ASTN2: variants seen among roughly 807,000 people sequenced by gnomAD.
ASTN2 encodes the protein astrotactin-2.
In ASTN2, 54 loss-of-function variants were observed where a neutral mutation model predicts 139.8. That is an observed-to-expected ratio of 0.39 (90% CI 0.31 to 0.48). The LOEUF is 0.48. ASTN2 is among the 20% of genes least tolerant of loss of function. The pLI, the probability that ASTN2 is intolerant of heterozygous loss-of-function variation, is 0.95. For synonymous variants in ASTN2, 756 were observed against 719.5 expected, an observed-to-expected ratio of 1.05 and a Z score of -0.81; for missense variants, 1,565 against 1,725.1, an observed-to-expected ratio of 0.91 and a Z score of 1.64.
At chr9:117,110,241 A>C (rs1274783583) in intron 4 of ASTN2, among the ~76,000 whole-genome samples, 1 of 152,126 alleles carries the variant, frequency 6.6e-6, no homozygotes, top group East Asian at 1.9e-4. Flanking sequence ...TTGGGAAGCA[A>C]TTTGGCAATA....
intron 5 of ASTN2, among the ~76,000 whole-genome samples, chr9:117,079,611 T>C (rs891229046): frequency 1.3e-5 from 2 of 152,206 alleles, no homozygotes; most frequent in Admixed American, 1.3e-4. Flanking sequence ...TTCAACTGGA[T>C]ATTTACTTTT....
chr9:116,987,316 G>C (rs984796544), intron 7 of ASTN2, among the ~76,000 whole-genome samples: 1 of 152,202 alleles, frequency 6.6e-6, no homozygotes, highest in African/African-American at 2.4e-5. Flanking sequence ...AAGGATAAAT[G>C]GGGACTAATT....
intron 7 of ASTN2, among the ~76,000 whole-genome samples, chr9:116,985,706 A>C (rs959685844): frequency 3.3e-5 from 5 of 152,240 alleles, no homozygotes; most frequent in Admixed American, 1.3e-4. Context: ...ATGGACACAG[A>C]GCATGTATTT....
chr9:117,318,306 T>C (rs1828212788), intron 1 of ASTN2, among the ~76,000 whole-genome samples: 1 of 152,172 alleles, frequency 6.6e-6, no homozygotes, highest in East Asian at 1.9e-4. Context: ...AGGACAGCAC[T>C]TAAAAACTTG....
chr9:117,297,509 G>A (rs956027036), intron 1 of ASTN2, among the ~76,000 whole-genome samples: 1 of 152,184 alleles, frequency 6.6e-6, no homozygotes, highest in Non-Finnish European at 1.5e-5. Flanking sequence ...GCCAGTCAGG[G>A]TCTCATCAGA....
chr9:116,564,961 G>C (rs1294400685), intron 19 of ASTN2, among the ~76,000 whole-genome samples: 2 of 152,016 alleles, frequency 1.3e-5, no homozygotes, highest in African/African-American at 2.4e-5. Context: ...AAGCATCATT[G>C]TCCAATTGAA....
chr9:117,165,737 A>G (rs1310855062), intron 3 of ASTN2, among the ~76,000 whole-genome samples: 1 of 152,104 alleles, frequency 6.6e-6, no homozygotes, highest in Non-Finnish European at 1.5e-5. Context: ...TTCAGCTGTG[A>G]GTTACGGAGC....
intron 10 of ASTN2, among the ~76,000 whole-genome samples, chr9:116,918,133 T>C (rs751893667): frequency 1.8e-4 from 28 of 152,176 alleles, no homozygotes; most frequent in Non-Finnish European, 3.4e-4. Flanking sequence ...TCCCCAGCCA[T>C]GTGGAACTGT....
At chr9:116,814,890 C>T (rs1831268401) in intron 12 of ASTN2, among the ~76,000 whole-genome samples, 1 of 152,124 alleles carries the variant, frequency 6.6e-6, no homozygotes, top group Non-Finnish European at 1.5e-5. Context: ...GTGTTTCCAT[C>T]AATTGTCGGT....
chr9:117,159,831 T>C (rs1442369183), intron 3 of ASTN2, among the ~76,000 whole-genome samples: 1 of 152,092 alleles, frequency 6.6e-6, no homozygotes, highest in Non-Finnish European at 1.5e-5. Context: ...TAGCTAGTTA[T>C]TGCTATTAAG....
intron 19 of ASTN2, among the ~76,000 whole-genome samples, chr9:116,521,477 A>G (rs1274351344): frequency 1.3e-5 from 2 of 152,094 alleles, no homozygotes; most frequent in Non-Finnish European, 2.9e-5. Context: ...TCATCTCTCA[A>G]CTTATACAAA....
chr9:117,018,015 A>G (rs1837767013), intron 6 of ASTN2, among the ~76,000 whole-genome samples: 1 of 150,412 alleles, frequency 6.6e-6, no homozygotes, highest in Non-Finnish European at 1.5e-5. Context: ...CATTTTTTCT[A>G]GGCTGACTTA....
At chr9:116,762,608 A>T (rs1588272209) in intron 13 of ASTN2, among the ~76,000 whole-genome samples, 1 of 152,244 alleles carries the variant, frequency 6.6e-6, no homozygotes, top group East Asian at 1.9e-4. Context: ...GCCTGGAAAA[A>T]AATTAAAAGG....
At chr9:116,846,647 G>A (rs926526904) in intron 11 of ASTN2, among the ~76,000 whole-genome samples, 3 of 152,190 alleles carry the variant, frequency 2.0e-5, no homozygotes, top group African/African-American at 7.2e-5. Flanking sequence ...AGGGGACACA[G>A]GTTACCATCC....
At position 116,977,828 on chromosome 9, in the gene ASTN2, C is replaced by T. The variant is rs564868555; in HGVS notation, c.1592-1043G>A. Reference sequence around the variant, plus strand: ...ACCTCCCAGCTTCAAGTGATTCTCCCGTCTCAGCCTCCCGAGTAGCTGGGA... The same window carrying T: ...ACCTCCCAGCTTCAAGTGATTCTCCTGTCTCAGCCTCCCGAGTAGCTGGGA... On this transcript the variant is annotated intron_variant, in intron 7 of 22. Coordinates refer to ENST00000313400, the MANE Select transcript of ASTN2 (RefSeq NM_001365068.1). Among the ~76,000 whole-genome samples, 8 of 151,152 alleles carry T rather than the reference C, an allele frequency of 5.3e-5. No homozygotes were observed. In the East Asian group the frequency reaches 7.9e-4, roughly 15 times the overall value.
At chr9:117,347,926 A>G (rs568209820) in intron 1 of ASTN2, among the ~76,000 whole-genome samples, 16 of 152,334 alleles carry the variant, frequency 1.1e-4, no homozygotes, top group African/African-American at 3.4e-4. Context: ...ATTAATTTAG[A>G]TTTCAAAACC....
chr9:116,808,080 C>T (rs980732259), intron 12 of ASTN2, among the ~76,000 whole-genome samples: 1 of 152,182 alleles, frequency 6.6e-6, no homozygotes, highest in Non-Finnish European at 1.5e-5. Flanking sequence ...TGCCACTGCA[C>T]TCCAGCCCAG....
intron 2 of ASTN2, among the ~76,000 whole-genome samples, chr9:117,232,908 T>C (rs1196797415): frequency 6.6e-6 from 1 of 152,032 alleles, no homozygotes; most frequent in Non-Finnish European, 1.5e-5. Context: ...TTTTCCTTTT[T>C]GTTCCTCATT....
chr9:116,945,229 G>A (rs1000683048), intron 10 of ASTN2, among the ~76,000 whole-genome samples: 1 of 152,164 alleles, frequency 6.6e-6, no homozygotes, highest in South Asian at 2.1e-4. Context: ...CCAGGACTGA[G>A]GATCACGTAT....
Sources: gnomAD v4.1 joint callset for allele counts (sites outside exome capture counted in the v4.1 genomes callset) on GRCh38, gnomAD v4.1.1 for gene constraint, MANE v1.5 for transcripts, NCBI Gene and HGNC (gene_info 2026-07-23, HGNC 2026-07-21) for gene names.